The following DCC variants were observed in gnomAD, a reference collection of about 807,000 sequenced individuals.
DCC encodes DCC netrin 1 receptor.
DCC carries 58 observed loss-of-function variants against 172.5 expected under a neutral mutation model. That is an observed-to-expected ratio of 0.34 (90% confidence interval 0.27 to 0.42). The LOEUF is 0.42. Among genes scored for constraint, DCC ranks in the 10% least tolerant of loss-of-function variants. DCC has a pLI of 1.00. For missense variants in DCC, 1,740 were observed against 1,791.0 expected, an observed-to-expected ratio of 0.97 and a Z score of 0.51; for synonymous variants, 709 against 644.5, an observed-to-expected ratio of 1.10 and a Z score of -1.52.
intron 7 of DCC, among the ~76,000 whole-genome samples, chr18:53,109,032 A>G (rs1482530098): frequency 1.3e-5 from 2 of 151,366 alleles, no homozygotes; most frequent in East Asian, 3.9e-4. Flanking sequence ...CCTAGTACTT[A>G]TAAGAGTTGC....
chr18:53,399,149 T>C (rs1909140238), intron 18 of DCC, among the ~76,000 whole-genome samples: 1 of 152,092 alleles, frequency 6.6e-6, no homozygotes, highest in South Asian at 2.1e-4. Flanking sequence ...GGAAGGACAC[T>C]TTAAATAATT....
rs146653936 is a variant in DCC at position 52,896,018 on chromosome 18, C to T, written c.413-10026C>T. On this transcript the variant is annotated intron_variant, in intron 2 of 28. Coordinates refer to ENST00000442544, the MANE Select transcript of DCC (RefSeq NM_005215.4). Reference sequence around the variant, plus strand: ...CAGGCTGGTCTCAAACTCTTGACCTCAGGTGATTCGCCTGCTTAGGCCTCC... The same window carrying T: ...CAGGCTGGTCTCAAACTCTTGACCTTAGGTGATTCGCCTGCTTAGGCCTCC... 4.6e-5 allele frequency among the ~76,000 whole-genome samples: 7 copies of T among 152,268 alleles called. No individual in the cohort carries two copies. In the East Asian group the frequency reaches 7.7e-4, roughly 17 times the overall value.
chr18:53,199,908 C>A (rs560921676), intron 9 of DCC, among the ~76,000 whole-genome samples: 2 of 152,090 alleles, frequency 1.3e-5, no homozygotes, highest in South Asian at 4.2e-4. Flanking sequence ...AAAATCAGAT[C>A]ATAAAATAAA....
intron 1 of DCC, among the ~76,000 whole-genome samples, chr18:52,572,712 T>A (rs1289249006): frequency 3.3e-5 from 5 of 152,274 alleles, no homozygotes; most frequent in African/African-American, 9.6e-5. Context: ...AGACCAAGAA[T>A]CTTGTGTACA....
At chr18:52,863,535 AT>A (rs2039176434) in intron 2 of DCC, among the ~76,000 whole-genome samples, 1 of 151,724 alleles carries the variant, frequency 6.6e-6, no homozygotes, top group Non-Finnish European at 1.5e-5. Context: ...ATATTTAGTA[AT>A]TAATGTCTTA....
chr18:53,078,065 A>G (rs903419219), intron 7 of DCC, among the ~76,000 whole-genome samples: 1 of 152,208 alleles, frequency 6.6e-6, no homozygotes, highest in African/African-American at 2.4e-5. Flanking sequence ...ATCAAATGCA[A>G]TTAAAGCATA....
chr18:53,145,494 C>G (rs868558690), intron 7 of DCC, among the ~76,000 whole-genome samples: 1 of 152,096 alleles, frequency 6.6e-6, no homozygotes, highest in Non-Finnish European at 1.5e-5. Context: ...CTTGTGAGGA[C>G]GCAGCAACGG....
chr18:53,057,368 C>T (rs1208523909), intron 5 of DCC, among the ~76,000 whole-genome samples: 1 of 152,026 alleles, frequency 6.6e-6, no homozygotes, highest in Non-Finnish European at 1.5e-5. Flanking sequence ...GGAAGTCTCC[C>T]TTATGTATTA....
intron 13 of DCC, among the ~76,000 whole-genome samples, chr18:53,310,186 C>A (rs2057250217): frequency 6.6e-6 from 1 of 151,980 alleles, no homozygotes; most frequent in Admixed American, 6.6e-5. Context: ...GGGAGCGCTA[C>A]ATACTTGTAG....
intron 5 of DCC, among the ~76,000 whole-genome samples, chr18:52,997,908 C>A (rs1032908646): frequency 1.6e-4 from 25 of 152,024 alleles, no homozygotes; most frequent in Admixed American, 4.6e-4. Flanking sequence ...TCAGACATCA[C>A]CTCCTCAGAG....
chr18:52,824,382 G>A (rs1438280805), intron 2 of DCC, among the ~76,000 whole-genome samples: 1 of 152,174 alleles, frequency 6.6e-6, no homozygotes, highest in South Asian at 2.1e-4. Context: ...GGTGAGAAAT[G>A]TTCTGGAAAA....
intron 12 of DCC, among the ~76,000 whole-genome samples, chr18:53,228,787 A>G (rs2056078200): frequency 6.6e-6 from 1 of 152,154 alleles, no homozygotes; most frequent in Non-Finnish European, 1.5e-5. Context: ...AAGGAACATA[A>G]CAATACCTTA....
intron 1 of DCC, among the ~76,000 whole-genome samples, chr18:52,426,087 G>T (rs1389119272): frequency 6.6e-6 from 1 of 151,922 alleles, no homozygotes; most frequent in Non-Finnish European, 1.5e-5. Flanking sequence ...GATCATCTAG[G>T]ATTAGATTTG....
At chr18:52,427,839 C>CCTTCCTTCCTTCCTTCCTTCCTTCCTTT (rs1987489279) in intron 1 of DCC, among the ~76,000 whole-genome samples, 4 of 52,978 alleles carry the variant, frequency 7.6e-5, no homozygotes, top group African/African-American at 1.4e-4. Context: ...TTCCTTTCTT[C>CCTTCCTTCCTTCCTTCCTTCCTTCCTTT]CTTCCTTCCT....
intron 5 of DCC, among the ~76,000 whole-genome samples, chr18:52,959,465 A>C (rs2040803915): frequency 6.6e-6 from 1 of 151,964 alleles, no homozygotes; most frequent in South Asian, 2.1e-4. Flanking sequence ...CTACATTTGT[A>C]TGTTTGTTAC....
chr18:52,510,923 GA>G (rs532623305), intron 1 of DCC, among the ~76,000 whole-genome samples: 6 of 152,124 alleles, frequency 3.9e-5, no homozygotes, highest in South Asian at 4.1e-4. Context: ...ACTTACAGGT[GA>G]AAAAAAGCTA....
At chr18:53,516,532 A>C (rs1336828288) in intron 27 of DCC, among the ~76,000 whole-genome samples, 3 of 150,632 alleles carry the variant, frequency 2.0e-5, no homozygotes, top group Admixed American at 6.6e-5. Flanking sequence ...AATGGGAGAA[A>C]ATTTTTGCAA....
chr18:53,448,940 T>C (rs1451110522), intron 22 of DCC, among the ~76,000 whole-genome samples: 29 of 152,232 alleles, frequency 1.9e-4, no homozygotes. Flanking sequence ...CATTTTATTA[T>C]TGCGTTAGTC....
At chr18:52,810,571 G>C (rs2038176864) in intron 2 of DCC, among the ~76,000 whole-genome samples, 1 of 152,180 alleles carries the variant, frequency 6.6e-6, no homozygotes, top group Non-Finnish European at 1.5e-5. Context: ...CCTACCCAAA[G>C]GTGGGAAAGT....
Sources: allele counts gnomAD v4.1 joint callset (sites outside exome capture counted in the v4.1 genomes callset), GRCh38; gene constraint gnomAD v4.1.1; transcripts MANE v1.5; gene names NCBI Gene and HGNC (gene_info 2026-07-23, HGNC 2026-07-21).